NAALADL2: variants seen among roughly 807,000 people sequenced by gnomAD.
The protein encoded by NAALADL2 is N-acetylated alpha-linked acidic dipeptidase like 2.
NAALADL2 carries 76 observed loss-of-function variants against 87.2 expected under a neutral mutation model. The ratio of observed to expected loss-of-function variants is 0.87; its 90% CI spans 0.72 to 1.05. The LOEUF (loss-of-function observed/expected upper bound fraction) is 1.05. Among genes scored for constraint, NAALADL2 ranks in the 50% least tolerant of loss-of-function variants. The probability of loss-of-function intolerance (pLI) is 0.00; values close to 1 mark genes in which losing one functional copy is unlikely to be tolerated. For synonymous variants in NAALADL2, 354 were observed against 331.0 expected (o/e 1.07, Z -0.75); for missense variants, 1,089 against 945.8 (o/e 1.15, Z -1.99).
intron 2 of NAALADL2, among the ~76,000 whole-genome samples, chr3:174,633,018 T>G (rs1722295057): frequency 6.6e-6 from 1 of 152,052 alleles, no homozygotes; most frequent in East Asian, 1.9e-4. Context: ...AATGAATGTT[T>G]ATTGTTATAA....
At chr3:174,881,085 T>A (rs936939079) in intron 1 of NAALADL2, among the ~76,000 whole-genome samples, 1 of 152,138 alleles carries the variant, frequency 6.6e-6, no homozygotes, top group African/African-American at 2.4e-5. Context: ...TCCAAGATAA[T>A]CTCATGTCAG....
intron 1 of NAALADL2, among the ~76,000 whole-genome samples, chr3:174,996,996 GTGTGTGTGT>G (rs1560456934): frequency 8.7e-3 from 102 of 11,732 alleles, no homozygotes; most frequent in African/African-American, 0.015. Flanking sequence ...TCCAAGGGGT[GTGTGTGTGT>G]GTGTGTGTGT....
chr3:174,910,704 A>T (rs1365298843), intron 1 of NAALADL2, among the ~76,000 whole-genome samples: 3 of 152,028 alleles, frequency 2.0e-5, no homozygotes, highest in Non-Finnish European at 2.9e-5. Flanking sequence ...GTCATATTCA[A>T]CACTTCAACA....
At chr3:175,428,777 GAT>G (rs1200407475) in intron 5 of NAALADL2, among the ~76,000 whole-genome samples, 2 of 151,872 alleles carry the variant, frequency 1.3e-5, no homozygotes, top group Non-Finnish European at 2.9e-5. Flanking sequence ...TCCATTCTCT[GAT>G]ATATCATAAA....
intron 12 of NAALADL2, among the ~76,000 whole-genome samples, chr3:175,746,218 G>A (rs58289764): frequency 0.16 from 23,783 of 151,092 alleles, 2,111 homozygotes; most frequent in African/African-American, 0.24. Flanking sequence ...CTTCATTTTG[G>A]AAGAAAGGAT....
chr3:174,449,284 A>G (rs1715294863), intron 1 of NAALADL2, among the ~76,000 whole-genome samples: 1 of 152,246 alleles, frequency 6.6e-6, no homozygotes, highest in Non-Finnish European at 1.5e-5. Flanking sequence ...CTAAGTACCC[A>G]CACAGCCTTC....
chr3:175,659,016 A>G (rs1309569686), intron 11 of NAALADL2, among the ~76,000 whole-genome samples: 1 of 152,156 alleles, frequency 6.6e-6, no homozygotes, highest in Non-Finnish European at 1.5e-5. Context: ...AATGCTCTGG[A>G]CCACACAGTC....
intron 10 of NAALADL2, among the ~76,000 whole-genome samples, chr3:175,578,215 C>T (rs1719192950): frequency 6.6e-6 from 1 of 152,022 alleles, no homozygotes; most frequent in Non-Finnish European, 1.5e-5. Context: ...TGCTTGAGCC[C>T]AGGAGTTTGA....
chr3:174,653,965 C>T (rs1481840722), intron 2 of NAALADL2, among the ~76,000 whole-genome samples: 1 of 151,974 alleles, frequency 6.6e-6, no homozygotes, highest in Non-Finnish European at 1.5e-5. Context: ...TTTCTACTCA[C>T]TTATTTTCAG....
rs1754730827 is a variant in NAALADL2, at chr3:175,806,687, ATCC to A, written c.*3486_*3488del. On this transcript the variant is annotated 3_prime_UTR_variant, in exon 14 of 14. Coordinates refer to ENST00000454872, the MANE Select transcript of NAALADL2 (RefSeq NM_207015.3). ...TGGTGTTTTAGAATTTTTCCCATGT[ATCC>A]TTTTTTTTTTTTTTTTTTTTTTTTA... 1 of 113,260 alleles carries A rather than the reference ATCC, an allele frequency of 8.8e-6. No homozygotes were observed. 7.0% of individuals were successfully genotyped at this position (113,260 alleles called of 1,614,324 possible). A position where few individuals can be genotyped will look rare whatever the true frequency, so the allele number is the denominator to read the frequency against.
intron 6 of NAALADL2, among the ~76,000 whole-genome samples, chr3:175,462,841 C>T (rs73033701): frequency 0.025 from 3,746 of 152,120 alleles, 148 homozygotes; most frequent in African/African-American, 0.083. Context: ...GGTAAGGGAC[C>T]TACAAACTCA....
chr3:175,472,223 A>G (rs191783718), intron 9 of NAALADL2, among the ~76,000 whole-genome samples: 5 of 152,082 alleles, frequency 3.3e-5, no homozygotes, highest in African/African-American at 1.2e-4. Flanking sequence ...GATTTAGAAA[A>G]TATTGTTTGA....
intron 2 of NAALADL2, among the ~76,000 whole-genome samples, chr3:174,672,554 G>A (rs186314330): frequency 1.8e-3 from 275 of 152,148 alleles, no homozygotes; most frequent in African/African-American, 6.3e-3. Context: ...TGATCATGAT[G>A]ATGATAATGG....
chr3:175,204,824 A>C (rs1740579244), intron 2 of NAALADL2, among the ~76,000 whole-genome samples: 1 of 152,128 alleles, frequency 6.6e-6, no homozygotes, highest in South Asian at 2.1e-4. Flanking sequence ...AATCAAATCA[A>C]GAATTCAACC....
intron 2 of NAALADL2, among the ~76,000 whole-genome samples, chr3:174,578,382 A>C (rs1245031357): frequency 5.3e-5 from 8 of 152,022 alleles, no homozygotes; most frequent in Admixed American, 1.3e-4. Context: ...GAAAATCATT[A>C]CATTATATAT....
At chr3:174,453,954 G>A (rs967070121) in intron 1 of NAALADL2, among the ~76,000 whole-genome samples, 1 of 152,048 alleles carries the variant, frequency 6.6e-6, no homozygotes, top group African/African-American at 2.4e-5. Context: ...CAATTAAAAG[G>A]CACAGAGTTG....
chr3:175,644,224 C>T (rs1229013875), intron 11 of NAALADL2, among the ~76,000 whole-genome samples: 1 of 151,968 alleles, frequency 6.6e-6, no homozygotes, highest in Non-Finnish European at 1.5e-5. Flanking sequence ...AAAATATCTG[C>T]TCTCAGATTT....
chr3:175,745,791 C>T (rs1010706575), intron 12 of NAALADL2, among the ~76,000 whole-genome samples: 3 of 152,058 alleles, frequency 2.0e-5, no homozygotes, highest in South Asian at 2.1e-4. Flanking sequence ...AAAGAGTAAG[C>T]GCATAATAAT....
At chr3:175,299,732 A>G (rs1211081072) in intron 4 of NAALADL2, among the ~76,000 whole-genome samples, 1 of 152,140 alleles carries the variant, frequency 6.6e-6, no homozygotes. Flanking sequence ...TTGTCTCCAA[A>G]CAGAGATAAT....
Sources: allele counts gnomAD v4.1 joint callset (sites outside exome capture counted in the v4.1 genomes callset), GRCh38; gene constraint gnomAD v4.1.1; transcripts MANE v1.5; gene names NCBI Gene and HGNC (gene_info 2026-07-23, HGNC 2026-07-21).